EPB41L2: variants seen among roughly 807,000 people sequenced by gnomAD.
The protein encoded by EPB41L2 is band 4.1-like protein 2.
In EPB41L2, 43 loss-of-function variants were observed where a neutral mutation model predicts 113.0. That is an observed-to-expected ratio of 0.38 (90% confidence interval 0.30 to 0.49). EPB41L2 has a LOEUF of 0.49. EPB41L2 is among the 20% of genes least tolerant of loss of function. The pLI is 0.95. For missense variants in EPB41L2, 1,147 were observed against 1,223.4 expected, an observed-to-expected ratio of 0.94 and a Z score of 0.93; for synonymous variants, 442 against 436.7, an observed-to-expected ratio of 1.01 and a Z score of -0.15.
At position 130,895,213 on chromosome 6, in the gene EPB41L2, G is replaced by A. The variant is rs1486025956; in HGVS notation, c.1237-94C>T. On this transcript the variant is annotated intron_variant, in intron 8 of 19. Transcript: ENST00000337057. The stretch of plus-strand genomic sequence containing the variant: ...GCTCCCTCAAATCATGATCAGGAAT[G>A]ACAGTTTAACAGGTTTGTATTTAAA... The A allele has an allele frequency of 3.6e-6, 5 of 1,396,692 alleles. No individual in the cohort carries two copies. In the African/African-American group the frequency reaches 7.2e-5, roughly 20 times the overall value. 86.5% of individuals were successfully genotyped at this position (1,396,692 alleles called of 1,614,324 possible).
intron 3 of EPB41L2, among the ~76,000 whole-genome samples, chr6:130,936,707 AAT>A (rs1808926207): frequency 1.3e-5 from 2 of 152,244 alleles, no homozygotes; most frequent in East Asian, 3.8e-4. Flanking sequence ...TTTAAAATAT[AAT>A]AACAATTAGA....
intron 1 of EPB41L2, among the ~76,000 whole-genome samples, chr6:130,957,017 T>C (rs1817665325): frequency 6.6e-6 from 1 of 152,176 alleles, no homozygotes; most frequent in Non-Finnish European, 1.5e-5. Flanking sequence ...AAGTGTATGG[T>C]GTGTAACAGC....
intron 1 of EPB41L2, among the ~76,000 whole-genome samples, chr6:130,972,949 A>AC (rs1390915188): frequency 2.7e-5 from 4 of 147,452 alleles, no homozygotes; most frequent in East Asian, 2.0e-4. Context: ...AAAAAAAAAA[A>AC]AAAAAAAAAA....
chr6:130,966,736 C>T (rs1373500713), intron 1 of EPB41L2, among the ~76,000 whole-genome samples: 1 of 152,086 alleles, frequency 6.6e-6, no homozygotes, highest in Non-Finnish European at 1.5e-5. Context: ...TTAAGTGAAC[C>T]CAGCTTGGTT....
intron 19 of EPB41L2, among the ~76,000 whole-genome samples, chr6:130,845,557 T>A (rs1018001184): frequency 6.6e-6 from 1 of 152,070 alleles, no homozygotes; most frequent in Admixed American, 6.5e-5. Context: ...TTTAAAAAGT[T>A]TTTTGTGGAC....
chr6:130,954,650 G>A (rs777070984), intron 3 of EPB41L2, among the ~76,000 whole-genome samples: 22 of 152,064 alleles, frequency 1.4e-4, no homozygotes, highest in Non-Finnish European at 2.9e-4. Context: ...CAGCACCAGC[G>A]CTAATGAACT....
At chr6:130,981,678 AAG>A (rs945035558) in intron 1 of EPB41L2, among the ~76,000 whole-genome samples, 9 of 152,212 alleles carry the variant, frequency 5.9e-5, no homozygotes, top group African/African-American at 1.2e-4. Flanking sequence ...TCCTTTGAGC[AAG>A]AGAGTCTATA....
chr6:131,050,295 C>A (rs770518894), intron 1 of EPB41L2, among the ~76,000 whole-genome samples: 45 of 152,134 alleles, frequency 3.0e-4, no homozygotes. Context: ...GCCAAGATTG[C>A]GCCATTGCAC....
intron 1 of EPB41L2, among the ~76,000 whole-genome samples, chr6:131,047,957 G>A (rs1482610693): frequency 6.6e-6 from 1 of 151,974 alleles, no homozygotes; most frequent in Non-Finnish European, 1.5e-5. Context: ...TGGCCAAGAT[G>A]GTGAAACCCT....
Position 130,870,119 on chromosome 6 carries a change from T to A in EPB41L2, c.2051A>T (p.His684Leu), listed in dbSNP as rs1313571846. 5 of 1,600,600 alleles carry A rather than the reference T, an allele frequency of 3.1e-6. No individual in the cohort carries two copies. The East Asian group carries it at 1.1e-4, about 36-fold the overall frequency. ...CTCCTCCACTATATTCAGAGTCTCA[T>A]GTGAACTCTGTACAAAAAAAGATGG... ...PLSLQTQGSSHETLNIVEEKK... is the reference protein window; with the variant it reads ...PLSLQTQGSSLETLNIVEEKK... The change falls in exon 15 of 20, where the codon CAT (histidine) becomes CTT (leucine). Residue 684 changes from histidine (H) to leucine (L), a missense_variant. Transcript: ENST00000337057.
chr6:130,999,903 C>CA (rs1218180927), intron 1 of EPB41L2, among the ~76,000 whole-genome samples: 1 of 152,038 alleles, frequency 6.6e-6, no homozygotes, highest in African/African-American at 2.4e-5. Context: ...AACCTCCTGG[C>CA]AAAAAATAGT....
At chr6:130,860,585 T>C (rs1259517919) in intron 18 of EPB41L2, among the ~76,000 whole-genome samples, 1 of 152,226 alleles carries the variant, frequency 6.6e-6, no homozygotes, top group African/African-American at 2.4e-5. Context: ...CAGGCTGGAG[T>C]GCAGTGGCGC....
At chr6:130,966,471 G>T (rs1318643245) in intron 1 of EPB41L2, among the ~76,000 whole-genome samples, 1 of 151,996 alleles carries the variant, frequency 6.6e-6, no homozygotes, top group Non-Finnish European at 1.5e-5. Flanking sequence ...AGCAAAGCGT[G>T]TGGGAGATAC....
intron 11 of EPB41L2, among the ~76,000 whole-genome samples, chr6:130,888,377 G>A (rs1475690319): frequency 1.3e-5 from 2 of 152,102 alleles, no homozygotes; most frequent in Admixed American, 6.6e-5. Flanking sequence ...GGATTACTGT[G>A]CCATGTTTGT....
chr6:130,915,870 C>T (rs1193790429), intron 4 of EPB41L2, among the ~76,000 whole-genome samples: 1 of 152,186 alleles, frequency 6.6e-6, no homozygotes, highest in Non-Finnish European at 1.5e-5. Flanking sequence ...TCCTCCTTGC[C>T]TTCTGCCATG....
intron 1 of EPB41L2, among the ~76,000 whole-genome samples, chr6:130,988,619 C>A (rs1302015780): frequency 6.6e-6 from 1 of 152,146 alleles, no homozygotes; most frequent in Non-Finnish European, 1.5e-5. Flanking sequence ...ACAAGAATAG[C>A]ATCAAGGTGC....
At chr6:130,871,811 T>C (rs978604437) in intron 14 of EPB41L2, among the ~76,000 whole-genome samples, 3 of 152,182 alleles carry the variant, frequency 2.0e-5, no homozygotes, top group Non-Finnish European at 4.4e-5. Context: ...AATAAACATA[T>C]CCAGTGACCA....
intron 19 of EPB41L2, among the ~76,000 whole-genome samples, chr6:130,848,213 A>T (rs1002525989): frequency 8.4e-4 from 123 of 145,664 alleles, no homozygotes; most frequent in South Asian, 5.4e-3. Context: ...ACACACACAC[A>T]CACACACACA....
chr6:131,017,251 G>T (rs1788447234), intron 1 of EPB41L2, among the ~76,000 whole-genome samples: 1 of 152,124 alleles, frequency 6.6e-6, no homozygotes, highest in Admixed American at 6.5e-5. Flanking sequence ...ACTGGACTAG[G>T]AGCAGCTCAG....
Sources: allele counts gnomAD v4.1 joint callset (sites outside exome capture counted in the v4.1 genomes callset), GRCh38; gene constraint gnomAD v4.1.1; transcripts MANE v1.5; gene names NCBI Gene and HGNC (gene_info 2026-07-23, HGNC 2026-07-21).